HDAC1: variants seen among roughly 807,000 people sequenced by gnomAD.
HDAC1 encodes the protein histone deacetylase 1.
HDAC1 carries 18 observed loss-of-function variants against 65.5 expected under a neutral mutation model. The ratio of observed to expected loss-of-function variants is 0.27; its 90% CI spans 0.19 to 0.41. HDAC1 has a LOEUF of 0.41. HDAC1 is among the 10% of genes least tolerant of loss of function. The pLI is 1.00. For synonymous variants in HDAC1, 211 were observed against 227.9 expected (o/e 0.93, Z 0.67); for missense variants, 373 against 625.2 (o/e 0.60, Z 4.30).
chr1:32,304,902 G>C (rs1640892398), intron 2 of HDAC1, among the ~76,000 whole-genome samples: 1 of 152,062 alleles, frequency 6.6e-6, no homozygotes, highest in African/African-American at 2.4e-5. Flanking sequence ...TGTAGAAACA[G>C]GGTCTTGCTG....
In HDAC1 at chr1:32,325,975, C is replaced by T. The variant is rs190630570; in HGVS notation, c.356-964C>T. 3.2e-3 allele frequency among the ~76,000 whole-genome samples: 487 copies of T among 151,300 alleles called. 6 individuals are homozygous for T. The highest frequency in any genetic ancestry group is 0.01 in the African/African-American group (425 of 41,296). On this transcript the variant is annotated intron_variant, in intron 4 of 13. Coordinates refer to ENST00000373548, the MANE Select transcript of HDAC1 (RefSeq NM_004964.3). ...CTGGGAGGCGGAGGTTGCAGTGAGCCGAGATCGCGCCACTGCACTTCAGCC... is the reference window on the plus strand; with the variant it reads ...CTGGGAGGCGGAGGTTGCAGTGAGCTGAGATCGCGCCACTGCACTTCAGCC...
intron 12 of HDAC1, 78 bp downstream of exon 12, chr1:32,332,320 GACTCA>G: frequency 6.6e-6 from 9 of 1,373,256 alleles, no homozygotes; most frequent in Non-Finnish European, 9.0e-6. Context: ...AGGAGGGAGT[GACTCA>G]GGCCCTGCCA....
chr1:32,304,885 AT>A (rs907476780), intron 2 of HDAC1, among the ~76,000 whole-genome samples: 1 of 151,972 alleles, frequency 6.6e-6, no homozygotes, highest in African/African-American at 2.4e-5. Context: ...ATTCAGAAAA[AT>A]TTTTTTGTAG....
intron 2 of HDAC1, among the ~76,000 whole-genome samples, chr1:32,309,680 C>CAA (rs560312057): frequency 0.011 from 571 of 50,386 alleles, 11 homozygotes; most frequent in African/African-American, 0.03. Flanking sequence ...GAGCGAGTCT[C>CAA]AAAAAAAAAA....
In HDAC1 at chr1:32,331,748, C is replaced by A; in HGVS notation, c.1161C>A (p.Asp387Glu). Reference protein sequence around the residue: ...PGVQMQAIPEDAIPEESGDED... With the variant: ...PGVQMQAIPEEAIPEESGDED... ...TCCAAATGCAGGCGATTCCTGAGGA[C>A]GCCATCCCTGAGGAGAGTGGCGATG... The change falls in exon 11 of 14, where the codon GAC becomes GAA. Residue 387 changes from aspartate (D) to glutamate (E), a missense_variant. By Grantham distance (45) the Asp-to-Glu change is conservative. Coordinates refer to ENST00000373548, the MANE Select transcript of HDAC1 (RefSeq NM_004964.3). This position sits in a 1 kb window ranked among gnomAD's most constrained non-coding sequence, Gnocchi z 4.2. The A allele has an allele frequency of 6.2e-7, 1 of 1,614,038 alleles. No homozygotes were observed. The highest frequency in any genetic ancestry group is 8.5e-7 in the Non-Finnish European group (1 of 1,179,956).
At chr1:32,332,316 G>A in intron 12 of HDAC1, 74 bp downstream of exon 12, 1 of 1,403,328 alleles carries the variant, frequency 7.1e-7, no homozygotes, top group Admixed American at 2.0e-5. Flanking sequence ...TGGGAGGAGG[G>A]AGTGACTCAG....
intron 2 of HDAC1, among the ~76,000 whole-genome samples, chr1:32,309,318 G>C (rs535244164): frequency 6.6e-6 from 1 of 152,300 alleles, no homozygotes; most frequent in Admixed American, 6.5e-5. Flanking sequence ...TTACTTAACT[G>C]AGATTCTGAG....
In HDAC1 at chr1:32,327,950, C is replaced by T. The variant is rs561161218; in HGVS notation, c.636+273C>T. Among the ~76,000 whole-genome samples, 1 of 152,270 alleles carries T rather than the reference C, an allele frequency of 6.6e-6. No individual in the cohort carries two copies. The highest frequency in any genetic ancestry group is 2.4e-5 in the African/African-American group (1 of 41,550). On this transcript the variant is annotated intron_variant, in intron 6 of 13. Transcript: ENST00000373548. The surrounding 1 kb of genome is among the most constrained non-coding windows in gnomAD (Gnocchi z 6.0). ...GGGTTGCATCACACTATTCTTATGT[C>T]TCATAAGCCTTGAGTTTGGGGGTAG...
intron 11 of HDAC1, 77 bp from the exon 12 acceptor site, chr1:32,332,013 G>A (rs562218703): frequency 6.8e-7 from 1 of 1,462,432 alleles, no homozygotes; most frequent in Admixed American, 2.6e-5. Context: ...AGGACACGCA[G>A]GGAAGCACTG....
chr1:32,301,470 A>G (rs1317947368), intron 1 of HDAC1, among the ~76,000 whole-genome samples: 1 of 142,478 alleles, frequency 7.0e-6, no homozygotes, highest in Non-Finnish European at 1.5e-5. Flanking sequence ...ATAAAGTAAA[A>G]GAAAGTCCTT....
At chr1:32,312,636 C>G (rs753567176) in intron 2 of HDAC1, among the ~76,000 whole-genome samples, 3 of 151,556 alleles carry the variant, frequency 2.0e-5, no homozygotes, top group Non-Finnish European at 4.4e-5. Context: ...GCTGGGATTA[C>G]AGGCGTGAGC....
intron 2 of HDAC1, among the ~76,000 whole-genome samples, chr1:32,302,978 C>G (rs1286455636): frequency 6.6e-6 from 1 of 152,094 alleles, no homozygotes; most frequent in African/African-American, 2.4e-5. Flanking sequence ...TCTAGGCCAG[C>G]CTGGGCAACA....
Position 32,331,398 on chromosome 1 carries a change from T to C in HDAC1, c.980-76T>C. ...TAGGCCCAGAGAAACCTACAAATGCTTTAGGGTGCTTACGTGCAAATGGTT... is the reference window on the plus strand; with the variant it reads ...TAGGCCCAGAGAAACCTACAAATGCCTTAGGGTGCTTACGTGCAAATGGTT... On this transcript the variant is annotated intron_variant, in intron 9 of 13. Transcript: ENST00000373548. The surrounding 1 kb of genome is among the most constrained non-coding windows in gnomAD (Gnocchi z 4.2). 1.2e-6 allele frequency: 1 copy of C among 832,874 alleles called. No homozygotes were observed. Among genetic ancestry groups the C allele is most frequent in the Non-Finnish European group, 2.1e-6 (1 of 480,062 alleles). 51.6% of individuals were successfully genotyped at this position (832,874 alleles called of 1,614,324 possible). A position where few individuals can be genotyped will look rare whatever the true frequency, so the allele number is the denominator to read the frequency against.
chr1:32,298,237 T>C (rs1272365382), intron 1 of HDAC1, among the ~76,000 whole-genome samples: 1 of 151,788 alleles, frequency 6.6e-6, no homozygotes, highest in Non-Finnish European at 1.5e-5. Flanking sequence ...TACAGGCATA[T>C]GCCACCACGC....
intron 12 of HDAC1, 53 bp downstream of exon 12, chr1:32,332,295 A>G (rs1326948161): frequency 8.5e-6 from 13 of 1,535,906 alleles, no homozygotes; most frequent in Non-Finnish European, 1.2e-5. Context: ...GGATGAATCT[A>G]TGTAGGGCAG....
chr1:32,320,465 G>T (rs1280271797), intron 3 of HDAC1, among the ~76,000 whole-genome samples: 1 of 152,054 alleles, frequency 6.6e-6, no homozygotes, highest in Non-Finnish European at 1.5e-5. Flanking sequence ...AAAGGGATTG[G>T]TAAAAAATTG....
In HDAC1 at chr1:32,316,933, A is replaced by G. The variant is rs546524865; in HGVS notation, c.280+151A>G. On this transcript the variant is annotated intron_variant, in intron 3 of 13. Coordinates refer to ENST00000373548, the MANE Select transcript of HDAC1 (RefSeq NM_004964.3). ...AGGTGCCAGAGTGCTTTTTCCCCTC[A>G]AGTCGGATTTTTCATGTTTCCTGAT... is the stretch of plus-strand genomic sequence containing the variant. 4.9e-4 allele frequency: 322 copies of G among 655,594 alleles called. 1 individual carries two copies. The highest frequency in any genetic ancestry group is 1.4e-3 in the Middle Eastern group (4 of 2,856). 40.6% of individuals were successfully genotyped at this position (655,594 alleles called of 1,614,324 possible). A position where few individuals can be genotyped will look rare whatever the true frequency, so the allele number is the denominator to read the frequency against.
intron 3 of HDAC1, among the ~76,000 whole-genome samples, chr1:32,321,499 C>T (rs944905076): frequency 6.6e-6 from 1 of 152,000 alleles, no homozygotes; most frequent in African/African-American, 2.4e-5. Flanking sequence ...TTCCACCTCT[C>T]ACCCAGTATT....
chr1:32,300,700 G>A (rs1240580920), intron 1 of HDAC1, among the ~76,000 whole-genome samples: 2 of 152,208 alleles, frequency 1.3e-5, no homozygotes, highest in Non-Finnish European at 2.9e-5. Context: ...AAAGAAAGGA[G>A]GACATTTCAG....
Sources: gnomAD v4.1 joint callset for allele counts (sites outside exome capture counted in the v4.1 genomes callset) on GRCh38, gnomAD v4.1.1 for gene constraint, Gnocchi (gnomAD v3.1) non-coding constraint, MANE v1.5 for transcripts, NCBI Gene and HGNC (gene_info 2026-07-23, HGNC 2026-07-21) for gene names.